Variants in RPS6KA2 observed in about 807,000 individuals in gnomAD.
RPS6KA2 encodes ribosomal protein S6 kinase A2.
RPS6KA2 carries 42 observed loss-of-function variants against 91.8 expected under a neutral mutation model. That is an observed-to-expected ratio of 0.46 (90% confidence interval 0.36 to 0.59). The LOEUF (loss-of-function observed/expected upper bound fraction) is 0.59. Among genes scored for constraint, RPS6KA2 ranks in the 20% least tolerant of loss-of-function variants. The pLI, the probability that RPS6KA2 is intolerant of heterozygous loss-of-function variation, is 0.00. For synonymous variants in RPS6KA2, 414 were observed against 393.6 expected (o/e 1.05, Z -0.61); for missense variants, 798 against 978.5 (o/e 0.82, Z 2.46).
chr6:166,564,612 T>G (rs1332457503), intron 1 of RPS6KA2, among the ~76,000 whole-genome samples: 1 of 152,260 alleles, frequency 6.6e-6, no homozygotes, highest in Non-Finnish European at 1.5e-5. Flanking sequence ...CTTCTAGGCA[T>G]CTATCTTGCA....
At chr6:166,641,201 A>C (rs1281592706) in intron 2 of RPS6KA2, among the ~76,000 whole-genome samples, 4 of 152,120 alleles carry the variant, frequency 2.6e-5, no homozygotes, top group African/African-American at 2.4e-5. Context: ...CACAGATACA[A>C]ACTGTGGGCA....
intron 2 of RPS6KA2, among the ~76,000 whole-genome samples, chr6:166,743,698 T>C (rs948576970): frequency 1.3e-5 from 2 of 152,210 alleles, no homozygotes; most frequent in African/African-American, 4.8e-5. Flanking sequence ...GCGCCATGCA[T>C]CCTGCGAGAG....
intron 1 of RPS6KA2, among the ~76,000 whole-genome samples, chr6:166,540,631 T>G (rs1783624365): frequency 6.6e-6 from 1 of 152,178 alleles, no homozygotes; most frequent in Non-Finnish European, 1.5e-5. Flanking sequence ...GGCATTATAT[T>G]TAGATGCTAA....
At chr6:166,617,319 T>G (rs892238350) in intron 1 of RPS6KA2, among the ~76,000 whole-genome samples, 7 of 152,244 alleles carry the variant, frequency 4.6e-5, no homozygotes, top group African/African-American at 1.7e-4. Context: ...TTAAAAAATG[T>G]TGATAGTTTC....
At chr6:166,812,062 G>A (rs555113497) in intron 2 of RPS6KA2, among the ~76,000 whole-genome samples, 128 of 152,298 alleles carry the variant, frequency 8.4e-4, no homozygotes, top group Non-Finnish European at 1.1e-3. Context: ...ACGAGTGGAT[G>A]AAAGCAAGCG....
At chr6:166,428,136 C>G (rs1778991852) in intron 16 of RPS6KA2, among the ~76,000 whole-genome samples, 1 of 151,896 alleles carries the variant, frequency 6.6e-6, no homozygotes, top group African/African-American at 2.4e-5. Context: ...ACAGAGCCCT[C>G]AGAAATAACG....
chr6:166,842,467 C>T (rs1276399566), intron 2 of RPS6KA2, among the ~76,000 whole-genome samples: 4 of 152,102 alleles, frequency 2.6e-5, no homozygotes, highest in Non-Finnish European at 5.9e-5. Context: ...CCAAAGAGTC[C>T]CCAGCAGCAG....
chr6:166,700,858 C>G (rs1789491427), intron 2 of RPS6KA2, among the ~76,000 whole-genome samples: 1 of 152,178 alleles, frequency 6.6e-6, no homozygotes, highest in African/African-American at 2.4e-5. Flanking sequence ...TCTTTCCCCC[C>G]TCTGCCACCC....
At chr6:166,738,142 T>C (rs1013282296) in intron 2 of RPS6KA2, among the ~76,000 whole-genome samples, 1 of 152,250 alleles carries the variant, frequency 6.6e-6, no homozygotes, top group African/African-American at 2.4e-5. Flanking sequence ...AGTATTTTAT[T>C]GTTAAATATT....
At chr6:166,689,074 G>A (rs142889641) in intron 2 of RPS6KA2, among the ~76,000 whole-genome samples, 172 of 152,364 alleles carry the variant, frequency 1.1e-3, no homozygotes, top group African/African-American at 4.0e-3. Flanking sequence ...GGCCAGCCCT[G>A]AGCAGGTCCT....
At chr6:166,719,933 T>C (rs565481966) in intron 2 of RPS6KA2, among the ~76,000 whole-genome samples, 76 of 152,258 alleles carry the variant, frequency 5.0e-4, no homozygotes, top group Non-Finnish European at 6.6e-4. Context: ...AGGAATTTCA[T>C]GGCAAATTTC....
At position 166,412,862 on chromosome 6, in the gene RPS6KA2, G is replaced by A; in HGVS notation, c.2102C>T (p.Ala701Val). The change falls in exon 21 of 21, where the codon GCT (alanine) becomes GTT (valine). Residue 701 changes from alanine to valine, a missense_variant. Ala to Val is a moderately conservative substitution (Grantham distance 64). Coordinates refer to ENST00000265678, the MANE Select transcript of RPS6KA2 (RefSeq NM_021135.6). This position sits in a 1 kb window ranked among gnomAD's most constrained non-coding sequence, Gnocchi z 4.3. ...CGGGGCCTGAGGTGTTCTGTTTAGA[G>A]CAAAGTAGGTGGCGGCCATCGCGCC... is the stretch of plus-strand genomic sequence containing the variant. ...VKGAMAATYF[A>V]LNRTPQAPRL... 5 of 1,563,664 alleles carry A rather than the reference G, an allele frequency of 3.2e-6. No individual in the cohort carries two copies. Among genetic ancestry groups the A allele is most frequent in the Non-Finnish European group, 4.3e-6 (5 of 1,153,682 alleles).
At position 166,554,859 on chromosome 6, in the gene RPS6KA2, C is replaced by T. The variant is rs967348797; in HGVS notation, c.100-16075G>A. Among the ~76,000 whole-genome samples, 1 of 152,206 alleles carries T rather than the reference C, an allele frequency of 6.6e-6. No individual in the cohort carries two copies. The highest frequency in any genetic ancestry group is 2.4e-5 in the African/African-American group (1 of 41,454). On this transcript the variant is annotated intron_variant, in intron 1 of 20. Coordinates refer to ENST00000265678, the MANE Select transcript of RPS6KA2 (RefSeq NM_021135.6). This position sits in a 1 kb window ranked among gnomAD's most constrained non-coding sequence, Gnocchi z 4.3. ...TCAGAAATACAGAGATTGCCCACCG[C>T]ATGAAAAATGTCTCCAGTTTTACAA...
chr6:166,731,190 C>A (rs1427755866), intron 2 of RPS6KA2, among the ~76,000 whole-genome samples: 2 of 151,820 alleles, frequency 1.3e-5, no homozygotes, highest in Admixed American at 1.3e-4. Context: ...TGCGGTGAGC[C>A]GAGATTGCGC....
intron 12 of RPS6KA2, among the ~76,000 whole-genome samples, chr6:166,451,592 T>C (rs1202751105): frequency 1.3e-5 from 2 of 152,200 alleles, no homozygotes; most frequent in African/African-American, 4.8e-5. Context: ...CCAGACTCAG[T>C]TAAGAAGGCA....
chr6:166,663,999 T>A (rs577434496), intron 2 of RPS6KA2, among the ~76,000 whole-genome samples: 1 of 152,366 alleles, frequency 6.6e-6, no homozygotes, highest in East Asian at 1.9e-4. Flanking sequence ...TCTACCCATC[T>A]CATAGGTTTT....
At chr6:166,638,042 C>A (rs184163323) in intron 2 of RPS6KA2, among the ~76,000 whole-genome samples, 6 of 152,274 alleles carry the variant, frequency 3.9e-5, no homozygotes, top group Non-Finnish European at 7.3e-5. Flanking sequence ...CCCAGGGGCA[C>A]GGCCTCGGTT....
chr6:166,552,594 T>C (rs1207277155), intron 1 of RPS6KA2, among the ~76,000 whole-genome samples: 2 of 152,194 alleles, frequency 1.3e-5, no homozygotes, highest in Non-Finnish European at 2.9e-5. Flanking sequence ...ATCCCCCAAC[T>C]GCAGGTGTCC....
At chr6:166,850,698 T>TGGCGGCTCAGCGGGAAGCCA (rs1432504461) in intron 2 of RPS6KA2, among the ~76,000 whole-genome samples, 2 of 152,100 alleles carry the variant, frequency 1.3e-5, no homozygotes, top group Non-Finnish European at 2.9e-5. Context: ...CTGCTCGGGA[T>TGGCGGCTCAGCGGGAAGCCA]GGCGGCTCAG....
Sources: allele counts gnomAD v4.1 joint callset (sites outside exome capture counted in the v4.1 genomes callset), GRCh38; gene constraint gnomAD v4.1.1; non-coding constraint Gnocchi (gnomAD v3.1); transcripts MANE v1.5; gene names NCBI Gene and HGNC (gene_info 2026-07-23, HGNC 2026-07-21).